The following RPS6KA6 variants were observed in gnomAD, a reference collection of about 807,000 sequenced individuals.
RPS6KA6 encodes ribosomal protein S6 kinase alpha-6.
A neutral mutation model predicts 65.4 loss-of-function variants in RPS6KA6; 27 were observed. The observed-to-expected ratio is 0.41, with a 90% CI of 0.30 to 0.57. RPS6KA6 has a LOEUF of 0.57. Among genes scored for constraint, RPS6KA6 ranks in the 20% least tolerant of loss-of-function variants. The pLI is 0.24. For missense variants in RPS6KA6, 486 were observed against 555.6 expected, an observed-to-expected ratio of 0.87 and a Z score of 1.26; for synonymous variants, 190 against 184.2, an observed-to-expected ratio of 1.03 and a Z score of -0.26.
At chrX:84,125,876 TAAAGAG>T (rs1286726253) in intron 8 of RPS6KA6, among the ~76,000 whole-genome samples, 1 of 109,086 alleles carries the variant, frequency 9.2e-6, no homozygotes, top group Non-Finnish European at 1.9e-5. Context: ...AATAAATAAA[TAAAGAG>T]AAAGAAACTA....
chrX:84,113,485 C>A (rs1317536160), intron 12 of RPS6KA6, among the ~76,000 whole-genome samples: 1 of 112,110 alleles, frequency 8.9e-6, no homozygotes, highest in Non-Finnish European at 1.9e-5. Flanking sequence ...GGATTTTATT[C>A]TAGGGATGAA....
chrX:84,087,786 G>A (rs781304194), intron 20 of RPS6KA6, among the ~76,000 whole-genome samples: 14 of 111,540 alleles, frequency 1.3e-4, no homozygotes, highest in African/African-American at 2.0e-4. Context: ...ATCTCTTTCC[G>A]GTACCCCAAT....
intron 20 of RPS6KA6, among the ~76,000 whole-genome samples, chrX:84,078,125 T>G (rs1324677453): frequency 8.9e-6 from 1 of 111,906 alleles, no homozygotes; most frequent in Non-Finnish European, 1.9e-5. Flanking sequence ...GACAGAGAAC[T>G]TGCATTTAAC....
chrX:84,070,736 G>A (rs1227849778), intron 20 of RPS6KA6, among the ~76,000 whole-genome samples: 1 of 110,505 alleles, frequency 9.0e-6, no homozygotes, highest in Admixed American at 9.7e-5. Flanking sequence ...CCATACTGGG[G>A]AAACATGTGC....
chrX:84,102,170 T>A lies in RPS6KA6; in HGVS notation c.1643A>T (p.Asn548Ile). The part of the protein sequence containing the change: ...GVVHRDLKPS[N>I]ILYMDESASA... ...GGCTGATTCATCCATGTATAAAATA[T>A]TACTAGGTTTAAGATCACGATGAAC... The change falls in exon 18 of 22, where the codon AAT (asparagine) becomes ATT (isoleucine). Residue 548 changes from asparagine (N) to isoleucine (I), a missense_variant. Asn to Ile is a moderately radical substitution (Grantham distance 149). Coordinates refer to ENST00000262752, the MANE Select transcript of RPS6KA6 (RefSeq NM_014496.5). 1 of 1,157,365 alleles carries A rather than the reference T, an allele frequency of 8.6e-7. No homozygotes were observed. The highest frequency in any genetic ancestry group is 1.2e-6 in the Non-Finnish European group (1 of 861,322).
chrX:84,090,718 A>T (rs1226890516), intron 20 of RPS6KA6, among the ~76,000 whole-genome samples: 2 of 111,699 alleles, frequency 1.8e-5, no homozygotes, highest in Admixed American at 1.9e-4. Flanking sequence ...TGCCCCCATG[A>T]TTCAGTTACC....
intron 1 of RPS6KA6, among the ~76,000 whole-genome samples, chrX:84,169,684 G>T (rs189756065): frequency 9.0e-6 from 1 of 111,536 alleles, no homozygotes; most frequent in Admixed American, 9.5e-5. Flanking sequence ...CTCTGAAGAA[G>T]AAAGTAGAGA....
chrX:84,105,047 T>C (rs1156538175), intron 16 of RPS6KA6, among the ~76,000 whole-genome samples: 1 of 110,979 alleles, frequency 9.0e-6, no homozygotes. Flanking sequence ...TTATTTATTT[T>C]TTATACCCTT....
chrX:84,151,091 T>A (rs1487423792), intron 3 of RPS6KA6, among the ~76,000 whole-genome samples: 1 of 96,921 alleles, frequency 1.0e-5, no homozygotes, highest in Non-Finnish European at 2.0e-5. Flanking sequence ...GATAGATATA[T>A]AGAGGATAGA....
intron 17 of RPS6KA6, among the ~76,000 whole-genome samples, chrX:84,104,109 G>T (rs911197384): frequency 9.1e-6 from 1 of 110,468 alleles, no homozygotes; most frequent in African/African-American, 3.3e-5. Context: ...CTGTATTTAG[G>T]GAAGGAGCTG....
chrX:84,084,173 A>G (rs2147367276), intron 20 of RPS6KA6, among the ~76,000 whole-genome samples: 1 of 112,364 alleles, frequency 8.9e-6, no homozygotes, highest in Non-Finnish European at 1.9e-5. Flanking sequence ...GTTCACTCTG[A>G]TGATAGTTTC....
chrX:84,178,587 G>T lies in RPS6KA6; in HGVS notation c.81+9232C>A, dbSNP rs909129494. 3.6e-5 allele frequency among the ~76,000 whole-genome samples: 4 copies of T among 111,627 alleles called. No individual in the cohort carries two copies. The East Asian group carries it at 1.1e-3, about 31-fold the overall frequency. On this transcript the variant is annotated intron_variant, in intron 1 of 21. Transcript: ENST00000262752. ...TATGCTCAGTAAGTGCAATTCTGAAGTTCCACAGGACTAATTCATTAAAAT... is the reference window on the plus strand; with the variant it reads ...TATGCTCAGTAAGTGCAATTCTGAATTTCCACAGGACTAATTCATTAAAAT...
At chrX:84,164,273 TTC>T (rs2035563387) in intron 2 of RPS6KA6, 53 bp downstream of exon 2, 4 of 908,998 alleles carry the variant, frequency 4.4e-6, no homozygotes, top group Admixed American at 2.4e-5. Flanking sequence ...TTTCCCTGTA[TTC>T]TTTTTCCTTA....
At chrX:84,159,038 A>G (rs2035465338) in intron 2 of RPS6KA6, among the ~76,000 whole-genome samples, 1 of 111,358 alleles carries the variant, frequency 9.0e-6, no homozygotes. Context: ...AAATACATAC[A>G]CATATGTGCA....
At chrX:84,133,685 A>G (rs775454760) in intron 8 of RPS6KA6, among the ~76,000 whole-genome samples, 2 of 111,730 alleles carry the variant, frequency 1.8e-5, no homozygotes, top group Non-Finnish European at 3.8e-5. Flanking sequence ...GCAAAAATGA[A>G]AAGAGGAATT....
chrX:84,059,810 C>A lies in RPS6KA6; in HGVS notation c.*4467G>T, dbSNP rs2033272165. On this transcript the variant is annotated 3_prime_UTR_variant, in exon 22 of 22. Coordinates refer to ENST00000262752, the MANE Select transcript of RPS6KA6 (RefSeq NM_014496.5). The stretch of plus-strand genomic sequence containing the variant: ...GAATACAAAGCAAACCCTAACTTGG[C>A]AATTACATATATATATTTATTTATA... 9.0e-6 allele frequency: 1 copy of A among 110,626 alleles called. No individual in the cohort carries two copies. The highest frequency in any genetic ancestry group is 1.9e-5 in the Non-Finnish European group (1 of 52,480). 9.1% of individuals were successfully genotyped at this position (110,626 alleles called of 1,213,427 possible). A position where few individuals can be genotyped will look rare whatever the true frequency, so the allele number is the denominator to read the frequency against.
chrX:84,107,872 A>G, intron 12 of RPS6KA6, 147 bp from the exon 13 acceptor site: 1 of 336,465 alleles, frequency 3.0e-6, no homozygotes, highest in Non-Finnish European at 5.3e-6. Context: ...CAAATTCTAA[A>G]ATTTTGAGAG....
intron 20 of RPS6KA6, among the ~76,000 whole-genome samples, chrX:84,090,678 T>C (rs1354958818): frequency 4.5e-5 from 5 of 111,524 alleles, no homozygotes. Flanking sequence ...GATAACTCAT[T>C]CACTATCACG....
At chrX:84,092,300 ATAAC>A (rs957981987) in intron 20 of RPS6KA6, among the ~76,000 whole-genome samples, 2 of 111,103 alleles carry the variant, frequency 1.8e-5, no homozygotes, top group African/African-American at 6.6e-5. Flanking sequence ...GGTGCTCAAA[ATAAC>A]TAACCATCTG....
Sources: allele counts gnomAD v4.1 joint callset (sites outside exome capture counted in the v4.1 genomes callset), GRCh38; gene constraint gnomAD v4.1.1; transcripts MANE v1.5; gene names NCBI Gene and HGNC (gene_info 2026-07-23, HGNC 2026-07-21).